Variants in VRK2 observed in about 807,000 individuals in gnomAD.
VRK2 encodes the protein serine/threonine-protein kinase VRK2.
In VRK2, 60 loss-of-function variants were observed where a neutral mutation model predicts 57.6. The observed-to-expected ratio is 1.04, with a 90% CI of 0.85 to 1.29. VRK2 has a LOEUF of 1.29. Ranked by LOEUF, VRK2 falls within the 50% of genes most tolerant of loss-of-function variation. The pLI, the probability that VRK2 is intolerant of heterozygous loss-of-function variation, is 0.00. For synonymous variants in VRK2, 231 were observed against 199.2 expected (o/e 1.16, Z -1.35); for missense variants, 705 against 588.1 (o/e 1.20, Z -2.06).
In VRK2 at chr2:58,048,863, T is replaced by A; in HGVS notation, c.32T>A (p.Leu11His). 1 of 1,613,964 alleles carries A rather than the reference T, an allele frequency of 6.2e-7. No homozygotes were observed. The highest frequency in any genetic ancestry group is 8.5e-7 in the Non-Finnish European group (1 of 1,179,914). MPPKRNEKYK[L>H]PIPFPEGKVL... Reference sequence around the variant, plus strand: ...CCAAAAAGAAATGAAAAATACAAACTTCCTATTCCATTTCCAGAAGGCAAG... The same window carrying A: ...CCAAAAAGAAATGAAAAATACAAACATCCTATTCCATTTCCAGAAGGCAAG... Residue 11 changes from leucine to histidine, a missense_variant, in exon 2 of 13, where the codon CTT (leucine) becomes CAT (histidine). Leu to His is a moderately conservative substitution (Grantham distance 99, BLOSUM62 -3). Transcript: ENST00000340157.
At chr2:57,972,958 G>C (rs1021749210) in intron 1 of VRK2, among the ~76,000 whole-genome samples, 6 of 151,782 alleles carry the variant, frequency 4.0e-5, no homozygotes, top group African/African-American at 9.7e-5. Flanking sequence ...AGTCTTTGCT[G>C]TTATAAATGG....
At chr2:58,011,298 A>G (rs989627164) in intron 1 of VRK2, among the ~76,000 whole-genome samples, 1 of 152,218 alleles carries the variant, frequency 6.6e-6, no homozygotes, top group Non-Finnish European at 1.5e-5. Flanking sequence ...GCCCTGCTCT[A>G]CATATATCAT....
At chr2:58,152,902 A>G (rs1683272364) in intron 12 of VRK2, among the ~76,000 whole-genome samples, 1 of 151,946 alleles carries the variant, frequency 6.6e-6, no homozygotes, top group African/African-American at 2.4e-5. Flanking sequence ...ATATACTACC[A>G]TAAAATACAG....
chr2:58,013,836 G>A (rs1572780172), intron 1 of VRK2, among the ~76,000 whole-genome samples: 2 of 132,306 alleles, frequency 1.5e-5, no homozygotes, highest in South Asian at 4.6e-4. Context: ...TCCCTCCTGG[G>A]CGACAGAACG....
At chr2:57,958,043 C>T (rs1274374564) in intron 1 of VRK2, among the ~76,000 whole-genome samples, 1 of 152,126 alleles carries the variant, frequency 6.6e-6, no homozygotes, top group Non-Finnish European at 1.5e-5. Flanking sequence ...CAGGCCTTCT[C>T]AGGACACAGG....
intron 7 of VRK2, among the ~76,000 whole-genome samples, chr2:58,092,757 G>T (rs1266287352): frequency 6.6e-6 from 1 of 152,084 alleles, no homozygotes; most frequent in Non-Finnish European, 1.5e-5. Context: ...TTGGTGTGCT[G>T]CGCCCATGAA....
chr2:58,068,839 G>A lies in VRK2; in HGVS notation c.137-15250G>A, dbSNP rs182170024. On this transcript the variant is annotated intron_variant, in intron 2 of 12. Coordinates refer to ENST00000340157, the MANE Select transcript of VRK2 (RefSeq NM_006296.7). Reference sequence around the variant, plus strand: ...AAAAAAAAAAAAAAAACAAAAACTCGGTTATGTATCTTTTAGTTTCAAAAA... The same window carrying A: ...AAAAAAAAAAAAAAAACAAAAACTCAGTTATGTATCTTTTAGTTTCAAAAA... 6.0e-3 allele frequency among the ~76,000 whole-genome samples: 878 copies of A among 147,330 alleles called. 8 individuals are homozygous for A. The highest frequency in any genetic ancestry group is 0.02 in the African/African-American group (824 of 40,282).
chr2:58,153,271 T>A (rs1486371612), intron 12 of VRK2, among the ~76,000 whole-genome samples: 1 of 152,058 alleles, frequency 6.6e-6, no homozygotes, highest in Non-Finnish European at 1.5e-5. Flanking sequence ...TAATCTGAAG[T>A]ATGGATATAC....
At chr2:58,021,031 T>C (rs761890587) in intron 1 of VRK2, among the ~76,000 whole-genome samples, 2 of 152,222 alleles carry the variant, frequency 1.3e-5, no homozygotes, top group Non-Finnish European at 2.9e-5. Flanking sequence ...TTTTAAATAT[T>C]AGACCTGGCA....
intron 1 of VRK2, among the ~76,000 whole-genome samples, chr2:57,961,147 A>G (rs368075549): frequency 1.3e-4 from 20 of 152,380 alleles, no homozygotes; most frequent in African/African-American, 4.8e-4. Context: ...ATAAAGAAAC[A>G]TTAAGTAAGG....
intron 11 of VRK2, among the ~76,000 whole-genome samples, chr2:58,143,824 C>T (rs1177079245): frequency 2.0e-5 from 3 of 151,708 alleles, no homozygotes; most frequent in African/African-American, 7.3e-5. Flanking sequence ...ACAGCACAAC[C>T]TAAGTGTGTG....
intron 1 of VRK2, among the ~76,000 whole-genome samples, chr2:57,957,597 T>C (rs903355394): frequency 4.1e-5 from 6 of 147,810 alleles, no homozygotes; most frequent in Non-Finnish European, 8.9e-5. Flanking sequence ...TAAAACTATA[T>C]GTAGATATAT....
chr2:58,034,574 T>A (rs1674214912), intron 3 of VRK2, among the ~76,000 whole-genome samples: 1 of 152,026 alleles, frequency 6.6e-6, no homozygotes, highest in Non-Finnish European at 1.5e-5. Flanking sequence ...TTTTATTACA[T>A]TCTCCCTCTT....
chr2:57,913,250 C>T (rs1027944683), intron 1 of VRK2, among the ~76,000 whole-genome samples: 31 of 152,190 alleles, frequency 2.0e-4, no homozygotes, highest in Middle Eastern at 3.4e-3. Flanking sequence ...TTTTACATTA[C>T]GCAAGTCATG....
chr2:57,948,409 T>A (rs1671325804), intron 1 of VRK2, among the ~76,000 whole-genome samples: 1 of 152,188 alleles, frequency 6.6e-6, no homozygotes, highest in South Asian at 2.1e-4. Context: ...AATTTCCATT[T>A]CTGTTTATCT....
rs142864774 is a variant in VRK2, at chr2:58,152,665, C to G, written c.1182+6191C>G. The stretch of plus-strand genomic sequence containing the variant: ...GGAATCTAATTCTGTCACCTCTTGT[C>G]TGTCTGAAAATATTTGTATTTCACC... On this transcript the variant is annotated intron_variant, in intron 12 of 12. Coordinates refer to ENST00000340157, the MANE Select transcript of VRK2 (RefSeq NM_006296.7). Among the ~76,000 whole-genome samples the G allele has an allele frequency of 3.0e-3, 461 of 151,850 alleles. 2 individuals are homozygous for G. The highest frequency in any genetic ancestry group is 0.011 in the African/African-American group (442 of 41,466).
At chr2:58,010,846 A>G (rs890030548) in intron 1 of VRK2, among the ~76,000 whole-genome samples, 18 of 152,160 alleles carry the variant, frequency 1.2e-4, no homozygotes, top group African/African-American at 3.1e-4. Flanking sequence ...TTTTCTATAT[A>G]TGTTTACATA....
Position 58,105,639 on chromosome 2 carries a change from C to CT in VRK2, c.543+15926dup, listed in dbSNP as rs978450237. ...TGCTTCACAAACTGTTACATATAGG[C>CT]TTTTTTTTTTCAGTTAGTGTGGGAA... On this transcript the variant is annotated intron_variant, in intron 7 of 12. Coordinates refer to ENST00000340157, the MANE Select transcript of VRK2 (RefSeq NM_006296.7). Among the ~76,000 whole-genome samples, 123 of 147,038 alleles carry CT rather than the reference C, an allele frequency of 8.4e-4. 1 individual carries two copies. Among genetic ancestry groups the CT allele is most frequent in the East Asian group, 8.3e-3 (42 of 5,054 alleles).
intron 1 of VRK2, among the ~76,000 whole-genome samples, chr2:57,986,761 G>A (rs1015786446): frequency 2.6e-5 from 4 of 152,020 alleles, no homozygotes; most frequent in Non-Finnish European, 4.4e-5. Context: ...ACCACACCCA[G>A]CTAATTTTTG....
Sources: allele counts gnomAD v4.1 joint callset (sites outside exome capture counted in the v4.1 genomes callset), GRCh38; gene constraint gnomAD v4.1.1; transcripts MANE v1.5; gene names NCBI Gene and HGNC (gene_info 2026-07-23, HGNC 2026-07-21).